The following ROBO1 variants were observed in gnomAD, a reference collection of about 807,000 sequenced individuals.
The protein encoded by ROBO1 is roundabout guidance receptor 1.
ROBO1 carries 149 observed loss-of-function variants against 195.9 expected under a neutral mutation model. That is an observed-to-expected ratio of 0.76 (90% CI 0.67 to 0.87). The LOEUF is 0.87. Among genes scored for constraint, ROBO1 ranks in the 40% least tolerant of loss-of-function variants. The probability of loss-of-function intolerance (pLI) is 0.00; values close to 1 mark genes in which losing one functional copy is unlikely to be tolerated. For synonymous variants in ROBO1, 816 were observed against 733.2 expected (o/e 1.11, Z -1.82); for missense variants, 1,933 against 2,068.3 (o/e 0.93, Z 1.27).
intron 3 of ROBO1, among the ~76,000 whole-genome samples, chr3:79,036,159 G>T (rs1282620801): frequency 2.0e-5 from 3 of 151,770 alleles, no homozygotes; most frequent in African/African-American, 4.8e-5. Context: ...CTTATACCTC[G>T]CTTTCTAAAT....
At chr3:79,480,481 T>C (rs1295303644) in intron 2 of ROBO1, among the ~76,000 whole-genome samples, 2 of 152,170 alleles carry the variant, frequency 1.3e-5, no homozygotes, top group Non-Finnish European at 2.9e-5. Flanking sequence ...ATGATCAAGC[T>C]CTGCTAGATG....
intron 4 of ROBO1, among the ~76,000 whole-genome samples, chr3:78,876,087 GA>G (rs1378006927): frequency 6.6e-6 from 1 of 151,964 alleles, no homozygotes; most frequent in Admixed American, 6.6e-5. Context: ...GAATAGAAAG[GA>G]AAGGTTACTC....
At chr3:79,041,190 A>G (rs1442457228) in intron 3 of ROBO1, among the ~76,000 whole-genome samples, 2 of 152,090 alleles carry the variant, frequency 1.3e-5, no homozygotes, top group East Asian at 3.9e-4. Context: ...TTTTTAGTAT[A>G]ATCCCTTATA....
intron 3 of ROBO1, among the ~76,000 whole-genome samples, chr3:78,976,919 C>T (rs1451818798): frequency 1.3e-5 from 2 of 152,172 alleles, no homozygotes; most frequent in Non-Finnish European, 2.9e-5. Flanking sequence ...AGCAAACCTA[C>T]GTATTACCTC....
chr3:79,080,874 C>T (rs2079260387), intron 3 of ROBO1, among the ~76,000 whole-genome samples: 2 of 152,112 alleles, frequency 1.3e-5, no homozygotes, highest in Middle Eastern at 3.4e-3. Context: ...AGACTATTGA[C>T]CATGAACTGG....
At chr3:79,243,002 T>G (rs1175214761) in intron 2 of ROBO1, among the ~76,000 whole-genome samples, 6 of 91,112 alleles carry the variant, frequency 6.6e-5, no homozygotes, top group South Asian at 4.5e-4. Flanking sequence ...CCCCACAACA[T>G]GCCCTGGTGT....
intron 2 of ROBO1, among the ~76,000 whole-genome samples, chr3:79,168,682 C>T (rs1388807026): frequency 6.6e-6 from 1 of 152,078 alleles, no homozygotes; most frequent in Non-Finnish European, 1.5e-5. Context: ...TCAACGTTTC[C>T]ATTTATTTAC....
intron 3 of ROBO1, among the ~76,000 whole-genome samples, chr3:79,094,918 CCTCCCTCT>C (rs1448778450): frequency 2.1e-5 from 3 of 146,230 alleles, no homozygotes; most frequent in African/African-American, 5.0e-5. Flanking sequence ...CCTTCCCCTC[CCTCCCTCT>C]CTCCCTCTCT....
At chr3:79,537,538 G>A (rs564394985) in intron 2 of ROBO1, among the ~76,000 whole-genome samples, 7 of 152,204 alleles carry the variant, frequency 4.6e-5, no homozygotes, top group South Asian at 2.1e-4. Context: ...CTTCAAAATG[G>A]CTGAAATATT....
At chr3:78,974,891 AT>A (rs1332384331) in intron 3 of ROBO1, among the ~76,000 whole-genome samples, 1 of 152,194 alleles carries the variant, frequency 6.6e-6, no homozygotes, top group Non-Finnish European at 1.5e-5. Context: ...CAATAATTTA[AT>A]TTTTGGTTGC....
rs1461092140 is a variant in ROBO1 at position 78,789,912 on chromosome 3, CT to C, written c.500-43013del. 2.6e-5 allele frequency among the ~76,000 whole-genome samples: 4 copies of C among 152,326 alleles called. No homozygotes were observed. In the East Asian group the frequency reaches 7.7e-4, roughly 29 times the overall value. On this transcript the variant is annotated intron_variant, in intron 4 of 30. Transcript: ENST00000464233. ...TTTGGATAATTCAGTCTCAAACATCCTCCGCATGACCTCCCAAATTGGACCA... is the reference window on the plus strand; with the variant it reads ...TTTGGATAATTCAGTCTCAAACATCCCCGCATGACCTCCCAAATTGGACCA...
At chr3:79,503,194 C>T (rs771657902) in intron 2 of ROBO1, among the ~76,000 whole-genome samples, 4 of 152,228 alleles carry the variant, frequency 2.6e-5, no homozygotes, top group Admixed American at 6.5e-5. Context: ...AGCGAGACTA[C>T]GAACCCACCA....
intron 2 of ROBO1, among the ~76,000 whole-genome samples, chr3:79,527,610 C>CA (rs981609053): frequency 2.0e-3 from 280 of 143,020 alleles, no homozygotes; most frequent in Middle Eastern, 3.6e-3. Context: ...GAAACATTAG[C>CA]AAAAAAAAAA....
At chr3:79,251,047 C>T (rs1193539122) in intron 2 of ROBO1, among the ~76,000 whole-genome samples, 1 of 151,896 alleles carries the variant, frequency 6.6e-6, no homozygotes, top group East Asian at 1.9e-4. Context: ...AGAATGAGAG[C>T]CAAACTGTCT....
At chr3:78,969,302 C>A (rs1229703969) in intron 3 of ROBO1, among the ~76,000 whole-genome samples, 4 of 152,094 alleles carry the variant, frequency 2.6e-5, no homozygotes, top group Non-Finnish European at 5.9e-5. Flanking sequence ...AAAATCAGGT[C>A]CCTACATTCA....
rs139907521 is a variant in ROBO1 at position 79,671,632 on chromosome 3, T to C, written c.-50-81671A>G. 3.6e-4 allele frequency among the ~76,000 whole-genome samples: 54 copies of C among 151,994 alleles called. No individual in the cohort carries two copies. In the East Asian group the frequency reaches 5.1e-3, roughly 14 times the overall value. ...TTTAGAAATAAAAATGAAGTTGAAC[T>C]TACATAGAAATGTAATTTTGATATG... On this transcript the variant is annotated intron_variant, in intron 1 of 30. Coordinates refer to ENST00000464233, the MANE Select transcript of ROBO1 (RefSeq NM_002941.4).
At chr3:79,422,143 T>TTTATGTATTATATACAATACATATC (rs1429705314) in intron 2 of ROBO1, among the ~76,000 whole-genome samples, 6 of 148,288 alleles carry the variant, frequency 4.0e-5, no homozygotes, top group South Asian at 2.1e-4. Flanking sequence ...CAATACATAT[T>TTTATGTATTATATACAATACATATC]TTATGTATTA....
chr3:79,214,168 A>G (rs2082014176), intron 2 of ROBO1, among the ~76,000 whole-genome samples: 2 of 151,972 alleles, frequency 1.3e-5, no homozygotes, highest in African/African-American at 4.8e-5. Flanking sequence ...ACCATGGCAA[A>G]TTGTTGTTGT....
At chr3:79,095,177 TA>T (rs1279545476) in intron 3 of ROBO1, among the ~76,000 whole-genome samples, 1 of 152,004 alleles carries the variant, frequency 6.6e-6, no homozygotes, top group African/African-American at 2.4e-5. Flanking sequence ...TGTGATCATT[TA>T]AATAGGTATG....
Sources: gnomAD v4.1 joint callset for allele counts (sites outside exome capture counted in the v4.1 genomes callset) on GRCh38, gnomAD v4.1.1 for gene constraint, MANE v1.5 for transcripts, NCBI Gene and HGNC (gene_info 2026-07-23, HGNC 2026-07-21) for gene names.